Variants in NDEL1 observed in about 807,000 individuals in gnomAD.
NDEL1 encodes nudE neurodevelopment protein 1 like 1.
In NDEL1, 9 loss-of-function variants were observed where a neutral mutation model predicts 45.7. The ratio of observed to expected loss-of-function variants is 0.20; its 90% CI spans 0.12 to 0.34. The LOEUF (loss-of-function observed/expected upper bound fraction) is 0.34. Ranked by LOEUF, NDEL1 falls within the 10% of genes least tolerant of loss-of-function variation. The pLI, the probability that NDEL1 is intolerant of heterozygous loss-of-function variation, is 1.00. For synonymous variants in NDEL1, 133 were observed against 158.6 expected (o/e 0.84, Z 1.21); for missense variants, 306 against 406.2 (o/e 0.75, Z 2.12).
chr17:8,457,634 C>G (rs1910926154), intron 7 of NDEL1, among the ~76,000 whole-genome samples: 1 of 152,178 alleles, frequency 6.6e-6, no homozygotes, highest in East Asian at 1.9e-4. Flanking sequence ...AAAATCAAGG[C>G]CATTTGTTTT....
At chr17:8,425,147 A>G (rs57547316) in intron 1 of NDEL1, among the ~76,000 whole-genome samples, 2,111 of 152,334 alleles carry the variant, frequency 0.014, 42 homozygotes, top group African/African-American at 0.048. Flanking sequence ...CTTCTTTGCT[A>G]TCCTACTTTG....
At chr17:8,414,651 A>G (rs1054978888) in intron 1 of NDEL1, among the ~76,000 whole-genome samples, 3 of 152,034 alleles carry the variant, frequency 2.0e-5, no homozygotes, top group Admixed American at 2.0e-4. Flanking sequence ...TGGACGACAG[A>G]GCGAGACTCC....
chr17:8,466,893 C>T lies in NDEL1; in HGVS notation c.945-37C>T, dbSNP rs780650789. On this transcript the variant is annotated intron_variant, in intron 8 of 8. Coordinates refer to ENST00000334527, the MANE Select transcript of NDEL1 (RefSeq NM_030808.5). ...TGATTTTAAATGAGTTTTTCGTTTCCCCTTTCTTCCCTTCTGTGCTCTGGT... is the reference window on the plus strand; with the variant it reads ...TGATTTTAAATGAGTTTTTCGTTTCTCCTTTCTTCCCTTCTGTGCTCTGGT... The T allele has an allele frequency of 1.6e-5, 25 of 1,583,784 alleles. No homozygotes were observed. The South Asian group carries it at 2.8e-4, about 18-fold the overall frequency.
chr17:8,446,384 T>A (rs934628968), intron 3 of NDEL1, among the ~76,000 whole-genome samples: 6 of 152,028 alleles, frequency 3.9e-5, no homozygotes, highest in African/African-American at 1.4e-4. Flanking sequence ...AGTGGGTGGG[T>A]TCTGGGAAGG....
At chr17:8,441,483 A>G (rs1909732051) in intron 1 of NDEL1, among the ~76,000 whole-genome samples, 1 of 152,252 alleles carries the variant, frequency 6.6e-6, no homozygotes, top group Non-Finnish European at 1.5e-5. Flanking sequence ...AACTTATCCC[A>G]GTTGCTTCAA....
intron 6 of NDEL1, among the ~76,000 whole-genome samples, chr17:8,451,549 C>CAGA (rs1442376158): frequency 1.3e-5 from 2 of 152,154 alleles, no homozygotes; most frequent in East Asian, 3.8e-4. Flanking sequence ...TTACATGCTT[C>CAGA]AGGAGCTGCC....
chr17:8,460,616 C>G (rs917191663), intron 8 of NDEL1, among the ~76,000 whole-genome samples: 3 of 152,150 alleles, frequency 2.0e-5, no homozygotes, highest in African/African-American at 4.8e-5. Context: ...TTAGGAGATA[C>G]AACTTTTGTA....
At chr17:8,415,298 C>T (rs1908520950) in intron 1 of NDEL1, among the ~76,000 whole-genome samples, 1 of 151,706 alleles carries the variant, frequency 6.6e-6, no homozygotes, top group African/African-American at 2.4e-5. Context: ...CCCACCTCAG[C>T]CTGCCAAGTA....
chr17:8,448,765 A>AT (rs1001131291), intron 5 of NDEL1, 79 bp downstream of exon 5: 115 of 1,344,980 alleles, frequency 8.6e-5, no homozygotes, highest in Middle Eastern at 2.2e-4. Context: ...TTATACTCTG[A>AT]TTTTTTTTCA....
At chr17:8,425,987 G>A (rs1366282394) in intron 1 of NDEL1, among the ~76,000 whole-genome samples, 2 of 152,170 alleles carry the variant, frequency 1.3e-5, no homozygotes, top group East Asian at 3.9e-4. Flanking sequence ...GATGGGTCTC[G>A]CCATGTTACA....
At chr17:8,469,588 G>A (rs543847454), downstream of NDEL1, among the ~76,000 whole-genome samples, 211 of 152,294 alleles carry the variant, frequency 1.4e-3, no homozygotes, top group African/African-American at 4.9e-3. Context: ...GGGTAGCAGC[G>A]TGCTGTTGGG....
chr17:8,460,490 G>T (rs1005193940), intron 8 of NDEL1, among the ~76,000 whole-genome samples: 1 of 152,076 alleles, frequency 6.6e-6, no homozygotes, highest in African/African-American at 2.4e-5. Context: ...ATATTTTTTT[G>T]GGGTAGAAGA....
intron 2 of NDEL1, among the ~76,000 whole-genome samples, 168 bp from the exon 3 acceptor site, chr17:8,445,543 T>A (rs1186177280): frequency 6.6e-6 from 1 of 152,242 alleles, no homozygotes; most frequent in Non-Finnish European, 1.5e-5. Context: ...GTCGTTTTCA[T>A]TGAACCCTGA....
chr17:8,449,899 G>A (rs977192826), intron 5 of NDEL1, among the ~76,000 whole-genome samples: 2 of 152,216 alleles, frequency 1.3e-5, no homozygotes, highest in African/African-American at 4.8e-5. Context: ...ATACCCAAAA[G>A]GGGGATGACT....
rs139756465 is a variant in NDEL1 at position 8,430,735 on chromosome 17, C to T, written c.-12-13525C>T. 4.0e-3 allele frequency among the ~76,000 whole-genome samples: 606 copies of T among 152,332 alleles called. 2 individuals carry two copies. The highest frequency in any genetic ancestry group is 0.014 in the African/African-American group (574 of 41,578). Reference sequence around the variant, plus strand: ...AAGGCAGAGGGTAGGGCAGCCCTCACTCACCTTTTTTACCACCACAAGGGC... The same window carrying T: ...AAGGCAGAGGGTAGGGCAGCCCTCATTCACCTTTTTTACCACCACAAGGGC... On this transcript the variant is annotated intron_variant, in intron 1 of 4. Transcript: ENST00000582812.
intron 7 of NDEL1, 53 bp downstream of exon 7, chr17:8,454,940 A>AT: frequency 6.9e-7 from 1 of 1,439,138 alleles, no homozygotes; most frequent in African/African-American, 1.4e-5. Flanking sequence ...GTATTGAATT[A>AT]TTTCTTAATT....
upstream of NDEL1, among the ~76,000 whole-genome samples, chr17:8,432,691 T>G (rs1909048887): frequency 1.3e-5 from 2 of 152,042 alleles, no homozygotes; most frequent in African/African-American, 4.8e-5. Flanking sequence ...GCCTAAAGAT[T>G]TTTTAAGATT....
intron 5 of NDEL1, 118 bp downstream of exon 5, chr17:8,448,804 C>T (rs1567733976): frequency 3.8e-6 from 4 of 1,063,872 alleles, no homozygotes; most frequent in Non-Finnish European, 5.3e-6. Flanking sequence ...ATACAGTATT[C>T]ACGGCATTCA....
At chr17:8,444,437 C>T in intron 2 of NDEL1, 80 bp downstream of exon 2, 1 of 943,116 alleles carries the variant, frequency 1.1e-6, no homozygotes, top group South Asian at 1.5e-5. Context: ...TTCTTTTTAA[C>T]ATAAAGCTAA....
Sources: allele counts gnomAD v4.1 joint callset (sites outside exome capture counted in the v4.1 genomes callset), GRCh38; gene constraint gnomAD v4.1.1; transcripts MANE v1.5; gene names NCBI Gene and HGNC (gene_info 2026-07-23, HGNC 2026-07-21).